Variants in KCNN2 observed in about 807,000 individuals in gnomAD.
The protein encoded by KCNN2 is small conductance calcium-activated potassium channel protein 2.
A neutral mutation model predicts 55.5 loss-of-function variants in KCNN2; 24 were observed. The ratio of observed to expected loss-of-function variants is 0.43; its 90% confidence interval spans 0.31 to 0.61. The LOEUF (loss-of-function observed/expected upper bound fraction) is 0.61. KCNN2 is among the 20% of genes least tolerant of loss of function. The pLI is 0.08. For missense variants in KCNN2, 754 were observed against 853.6 expected (o/e 0.88, Z 1.45); for synonymous variants, 431 against 336.1 (o/e 1.28, Z -3.09).
intron 2 of KCNN2, among the ~76,000 whole-genome samples, chr5:114,301,577 G>C (rs1176522326): frequency 1.3e-5 from 2 of 152,088 alleles, no homozygotes; most frequent in Non-Finnish European, 2.9e-5. Context: ...GGTGGGAACT[G>C]TTTCCAGCTA....
intron 3 of KCNN2, among the ~76,000 whole-genome samples, chr5:114,415,930 G>A (rs1321456971): frequency 6.6e-6 from 1 of 152,100 alleles, no homozygotes; most frequent in African/African-American, 2.4e-5. Context: ...CAGGAAAAAA[G>A]CCAGCTACAC....
At chr5:114,255,696 G>A (rs1754968209) in intron 2 of KCNN2, among the ~76,000 whole-genome samples, 1 of 152,108 alleles carries the variant, frequency 6.6e-6, no homozygotes, top group African/African-American at 2.4e-5. Flanking sequence ...GGTGAGGTTG[G>A]AGGCAGTTTG....
intron 1 of KCNN2, among the ~76,000 whole-genome samples, chr5:114,150,634 C>G (rs1466598821): frequency 1.3e-5 from 2 of 152,142 alleles, no homozygotes; most frequent in Non-Finnish European, 2.9e-5. Context: ...TCAGACCCGT[C>G]TTTTCCTGTG....
At chr5:114,296,725 G>A (rs550364393) in intron 2 of KCNN2, among the ~76,000 whole-genome samples, 5 of 151,978 alleles carry the variant, frequency 3.3e-5, no homozygotes, top group African/African-American at 9.7e-5. Flanking sequence ...AACTAGAAAG[G>A]GCATTTAAAA....
intron 7 of KCNN2, among the ~76,000 whole-genome samples, chr5:114,495,617 T>G (rs932235492): frequency 6.6e-6 from 1 of 152,250 alleles, no homozygotes; most frequent in Non-Finnish European, 1.5e-5. Flanking sequence ...GAAATGTTTT[T>G]GTCTATCCTG....
At chr5:114,165,128 CT>C in intron 1 of KCNN2, among the ~76,000 whole-genome samples, 1 of 152,166 alleles carries the variant, frequency 6.6e-6, no homozygotes, top group East Asian at 1.9e-4. Flanking sequence ...TAGTCAATCC[CT>C]GAACAAAATG....
chr5:114,161,362 A>G (rs562469130), intron 1 of KCNN2, among the ~76,000 whole-genome samples: 8 of 140,568 alleles, frequency 5.7e-5, no homozygotes, highest in African/African-American at 1.6e-4. Context: ...AGTTTCTGCC[A>G]AGAGATCAGC....
intron 3 of KCNN2, among the ~76,000 whole-genome samples, chr5:114,456,344 C>T (rs1479842312): frequency 6.6e-6 from 1 of 152,166 alleles, no homozygotes; most frequent in African/African-American, 2.4e-5. Flanking sequence ...CTGTTTATAG[C>T]ATCATTTACT....
chr5:114,396,551 CTTT>C (rs11293896), intron 2 of KCNN2, among the ~76,000 whole-genome samples: 6 of 140,428 alleles, frequency 4.3e-5, no homozygotes, highest in Admixed American at 7.1e-5. Context: ...AATAGGTAGT[CTTT>C]TTTTTTTTTT....
intron 5 of KCNN2, among the ~76,000 whole-genome samples, chr5:114,473,788 T>G (rs1269651299): frequency 1.3e-5 from 2 of 152,212 alleles, no homozygotes; most frequent in Non-Finnish European, 2.9e-5. Flanking sequence ...TAAACTCACT[T>G]CATCCTCATA....
chr5:114,345,792 T>C (rs1024545411), intron 2 of KCNN2, among the ~76,000 whole-genome samples: 4 of 152,046 alleles, frequency 2.6e-5, no homozygotes, highest in African/African-American at 9.7e-5. Flanking sequence ...TATTTTTTAT[T>C]TTTTTTGAGA....
chr5:114,339,464 A>T (rs1459705539), intron 2 of KCNN2, among the ~76,000 whole-genome samples: 1 of 152,180 alleles, frequency 6.6e-6, no homozygotes, highest in Non-Finnish European at 1.5e-5. Flanking sequence ...AACAACTGGC[A>T]GAGTTTAACA....
chr5:114,163,091 G>A (rs779830053), intron 1 of KCNN2, among the ~76,000 whole-genome samples: 10 of 152,230 alleles, frequency 6.6e-5, no homozygotes, highest in South Asian at 4.1e-4. Flanking sequence ...CTTCTGCGTC[G>A]CTCAGGCTGG....
At chr5:114,336,604 C>T (rs1293399577) in intron 2 of KCNN2, among the ~76,000 whole-genome samples, 1 of 152,096 alleles carries the variant, frequency 6.6e-6, no homozygotes, top group Admixed American at 6.5e-5. Flanking sequence ...CATATGAATA[C>T]AATAATTAAA....
At chr5:114,243,701 T>G (rs1336408661) in intron 2 of KCNN2, among the ~76,000 whole-genome samples, 1 of 152,246 alleles carries the variant, frequency 6.6e-6, no homozygotes, top group African/African-American at 2.4e-5. Context: ...AGTTGAACTT[T>G]ATCATAGGTA....
At chr5:114,444,210 A>G (rs1760316728) in intron 3 of KCNN2, among the ~76,000 whole-genome samples, 1 of 152,242 alleles carries the variant, frequency 6.6e-6, no homozygotes, top group Admixed American at 6.5e-5. Flanking sequence ...AGCACAGGGC[A>G]TATTGCTTTG....
intron 2 of KCNN2, among the ~76,000 whole-genome samples, chr5:114,388,172 G>T (rs1758343364): frequency 6.6e-6 from 1 of 151,810 alleles, no homozygotes; most frequent in Non-Finnish European, 1.5e-5. Flanking sequence ...CATTTTTATG[G>T]CAACTGTTAT....
chr5:114,357,797 T>C (rs1757324615), upstream of KCNN2, among the ~76,000 whole-genome samples: 1 of 151,378 alleles, frequency 6.6e-6, no homozygotes, highest in Non-Finnish European at 1.5e-5. Flanking sequence ...TGATTTATAG[T>C]CCTTTGGGTA....
At chr5:114,165,712 A>C (rs945224672) in intron 1 of KCNN2, among the ~76,000 whole-genome samples, 1 of 152,168 alleles carries the variant, frequency 6.6e-6, no homozygotes, top group Non-Finnish European at 1.5e-5. Context: ...TTTTCTTAAT[A>C]ACATTTACTT....
Sources: gnomAD v4.1 joint callset for allele counts (sites outside exome capture counted in the v4.1 genomes callset) on GRCh38, gnomAD v4.1.1 for gene constraint, MANE v1.5 for transcripts, NCBI Gene and HGNC (gene_info 2026-07-23, HGNC 2026-07-21) for gene names.